The following LMTK2 variants were observed in gnomAD, a reference collection of about 807,000 sequenced individuals.
The protein encoded by LMTK2 is serine/threonine-protein kinase LMTK2.
Under a neutral mutation model 127.5 loss-of-function variants are expected in LMTK2, and 37 were observed. The ratio of observed to expected loss-of-function variants is 0.29; its 90% CI spans 0.22 to 0.38. The LOEUF is 0.38. Among genes scored for constraint, LMTK2 ranks in the 10% least tolerant of loss-of-function variants. The pLI, the probability that LMTK2 is intolerant of heterozygous loss-of-function variation, is 1.00. For missense variants in LMTK2, 1,694 were observed against 1,920.3 expected (o/e 0.88, Z 2.20); for synonymous variants, 819 against 810.1 (o/e 1.01, Z -0.19).
In LMTK2 at chr7:98,154,761, C is replaced by T; in HGVS notation, c.454C>T (p.Leu152Phe). 2.5e-6 allele frequency: 4 copies of T among 1,602,010 alleles called. No homozygotes were observed. Among genetic ancestry groups the T allele is most frequent in the Non-Finnish European group, 3.4e-6 (4 of 1,169,852 alleles). The change falls in exon 5 of 14, where the codon CTC becomes TTC. Residue 152 changes from leucine to phenylalanine, a missense_variant. By Grantham distance (22) the Leu-to-Phe change is conservative. Around this residue, in one of 8 missense-constraint regions of LMTK2, gnomAD observed 203 missense variants for 226.2 expected, o/e 0.90. Transcript: ENST00000297293. ...AAAAACTGTTCTTTGATTTTAGGTT[C>T]TCTTGGGAGAGATTTACACGGGCAC... ...EIGNGWFGKVLLGEIYTGTSV... is the reference protein window; with the variant it reads ...EIGNGWFGKVFLGEIYTGTSV...
chr7:98,186,842 C>A, intron 8 of LMTK2, 35 bp from the exon 9 acceptor site: 1 of 1,588,338 alleles, frequency 6.3e-7, no homozygotes, highest in Non-Finnish European at 8.6e-7. Context: ...AAGTATAATT[C>A]TATTCAAAAT....
rs1184375056 is a variant in LMTK2 at position 98,192,113 on chromosome 7, G to A, written c.1648G>A (p.Asp550Asn). 3 of 1,552,964 alleles carry A rather than the reference G, an allele frequency of 1.9e-6. No individual in the cohort carries two copies. The highest frequency in any genetic ancestry group is 2.3e-5 in the East Asian group (1 of 44,418). ...FDAHNLSVGS[D>N]YYIQLEEKSG... ...TGCCCACAACCTTTCTGTTGGAAGC[G>A]ACTATTATATCCAGTTAGAAGAAAA... Residue 550 changes from aspartate to asparagine, a missense_variant, in exon 11 of 14, where the codon GAC becomes AAC. Asp to Asn is a conservative substitution (Grantham distance 23, BLOSUM62 1). Around this residue, in one of 8 missense-constraint regions of LMTK2, gnomAD observed 216 missense variants for 266.8 expected, o/e 0.81. Coordinates refer to ENST00000297293, the MANE Select transcript of LMTK2 (RefSeq NM_014916.4).
At chr7:98,175,730 T>C (rs1291402644) in intron 7 of LMTK2, among the ~76,000 whole-genome samples, 1 of 152,112 alleles carries the variant, frequency 6.6e-6, no homozygotes, top group African/African-American at 2.4e-5. Flanking sequence ...CACACAGAAA[T>C]GAGGAAGGCT....
chr7:98,202,977 A>T (rs1179310968), intron 11 of LMTK2, among the ~76,000 whole-genome samples: 1 of 152,124 alleles, frequency 6.6e-6, no homozygotes, highest in African/African-American at 2.4e-5. Flanking sequence ...AAGGGAAAAA[A>T]ACTCAGCGAG....
chr7:98,155,046 A>G (rs964834180), intron 5 of LMTK2, among the ~76,000 whole-genome samples, 170 bp downstream of exon 5: 1 of 152,234 alleles, frequency 6.6e-6, no homozygotes, highest in African/African-American at 2.4e-5. Flanking sequence ...TTAGCATTCC[A>G]AGAACCAGGA....
At chr7:98,125,090 T>C (rs920967348) in intron 1 of LMTK2, among the ~76,000 whole-genome samples, 7 of 151,838 alleles carry the variant, frequency 4.6e-5, no homozygotes, top group African/African-American at 1.7e-4. Flanking sequence ...GATCACGAGG[T>C]CAGGAGATCG....
Position 98,191,946 on chromosome 7 carries a change from T to C in LMTK2, c.1481T>C (p.Leu494Pro). 2 of 1,614,114 alleles carry C rather than the reference T, an allele frequency of 1.2e-6. No homozygotes were observed. The highest frequency in any genetic ancestry group is 1.7e-6 in the Non-Finnish European group (2 of 1,180,008). The change falls in exon 11 of 14, where the codon CTG becomes CCG. Residue 494 changes from leucine (L) to proline (P), a missense_variant. Leu to Pro is a moderately conservative substitution (Grantham distance 98). Around this residue, in one of 8 missense-constraint regions of LMTK2, gnomAD observed 216 missense variants for 266.8 expected, o/e 0.81. Transcript: ENST00000297293. ...DHFDERSRGHLDEGLSYTSIF... is the reference protein window; with the variant it reads ...DHFDERSRGHPDEGLSYTSIF... ...TTTGACGAGCGCAGCCGGGGCCACC[T>C]GGACGAAGGCTTGTCCTACACGAGC...
intron 1 of LMTK2, among the ~76,000 whole-genome samples, chr7:98,131,743 A>C (rs1442103887): frequency 6.6e-6 from 1 of 152,244 alleles, no homozygotes; most frequent in Non-Finnish European, 1.5e-5. Context: ...ATACCAAAAC[A>C]AAAACTGTGG....
intron 7 of LMTK2, among the ~76,000 whole-genome samples, chr7:98,175,074 G>C (rs568082920): frequency 6.6e-6 from 1 of 152,272 alleles, no homozygotes; most frequent in Admixed American, 6.5e-5. Flanking sequence ...CTGAGGCTTG[G>C]GGTGCTGAGC....
At position 98,193,702 on chromosome 7, in the gene LMTK2, C is replaced by T. The variant is rs1797575312; in HGVS notation, c.3237C>T (p.Gly1079=). Residue 1079 remains glycine, a synonymous_variant, in exon 11 of 14, where the codon GGC becomes GGT. Coordinates refer to ENST00000297293, the MANE Select transcript of LMTK2 (RefSeq NM_014916.4). The surrounding 1 kb of genome is among the most constrained non-coding windows in gnomAD (Gnocchi z 4.1). ...PNPVIVISDA[G]DGHRGTEVTP... Reference sequence around the variant, plus strand: ...CGGTCATTGTCATCTCAGATGCCGGCGATGGTCACAGAGGCACAGAAGTGA... The same window carrying T: ...CGGTCATTGTCATCTCAGATGCCGGTGATGGTCACAGAGGCACAGAAGTGA... 1.9e-6 allele frequency: 3 copies of T among 1,613,824 alleles called. No individual in the cohort carries two copies. The highest frequency in any genetic ancestry group is 2.5e-6 in the Non-Finnish European group (3 of 1,179,986).
intron 1 of LMTK2, 135 bp downstream of exon 1, chr7:98,107,415 T>C: frequency 2.2e-6 from 1 of 455,884 alleles, no homozygotes; most frequent in Non-Finnish European, 3.4e-6. Context: ...AGGCGAGTGA[T>C]TAGGGAGATT....
At chr7:98,200,079 TTTTC>T (rs749047655) in intron 11 of LMTK2, among the ~76,000 whole-genome samples, 3 of 152,206 alleles carry the variant, frequency 2.0e-5, no homozygotes, top group East Asian at 1.9e-4. Context: ...ACATTTTTCT[TTTTC>T]TTTTTTTTTA....
At chr7:98,182,668 G>C (rs1381801370) in intron 7 of LMTK2, among the ~76,000 whole-genome samples, 15 of 152,222 alleles carry the variant, frequency 9.9e-5, no homozygotes. Context: ...GTGGGAAGCA[G>C]TATGGTGGCT....
At chr7:98,146,263 G>A (rs940716116) in intron 3 of LMTK2, among the ~76,000 whole-genome samples, 4 of 152,072 alleles carry the variant, frequency 2.6e-5, no homozygotes, top group African/African-American at 9.7e-5. Context: ...CAAGATATAT[G>A]AGTCTTCTTT....
chr7:98,198,203 T>C (rs1346345051), intron 11 of LMTK2, among the ~76,000 whole-genome samples: 1 of 151,840 alleles, frequency 6.6e-6, no homozygotes, highest in Non-Finnish European at 1.5e-5. Context: ...TCTCCTTTTT[T>C]TTTTTTTTTG....
chr7:98,193,767 G>A lies in LMTK2; in HGVS notation c.3302G>A (p.Arg1101Gln), dbSNP rs1329697832. ...ACAGCTGGCTCCCAGGGTTCATACC[G>A]AGACTCTGCGTACTTCTCAGACAAT... ...TFTAGSQGSY[R>Q]DSAYFSDNDS... Residue 1101 changes from arginine to glutamine, a missense_variant, in exon 11 of 14, where the codon CGA becomes CAA. Coordinates refer to ENST00000297293, the MANE Select transcript of LMTK2 (RefSeq NM_014916.4). This position sits in a 1 kb window ranked among gnomAD's most constrained non-coding sequence, Gnocchi z 4.1. 16 of 1,613,980 alleles carry A rather than the reference G, an allele frequency of 9.9e-6. No individual in the cohort carries two copies. The highest frequency in any genetic ancestry group is 6.7e-5 in the East Asian group (3 of 44,870).
intron 1 of LMTK2, among the ~76,000 whole-genome samples, chr7:98,124,557 G>A (rs1796416025): frequency 6.6e-6 from 1 of 152,146 alleles, no homozygotes; most frequent in African/African-American, 2.4e-5. Context: ...AGGCCAAAGT[G>A]GGAGGATCAC....
rs551486715 is a variant in LMTK2, at chr7:98,194,329, C to T, written c.3864C>T (p.Asp1288=). ...SEDGMDADEE[D]ENSDDSDEDL... The stretch of plus-strand genomic sequence containing the variant: ...ACGGGATGGATGCAGACGAGGAGGA[C>T]GAAAACAGCGACGACTCGGACGAGG... Residue 1288 remains aspartate, a synonymous_variant, in exon 11 of 14, where the codon GAC becomes GAT. Transcript: ENST00000297293. This position sits in a 1 kb window ranked among gnomAD's most constrained non-coding sequence, Gnocchi z 5.4. The T allele has an allele frequency of 8.7e-6, 14 of 1,614,084 alleles. No homozygotes were observed. The highest frequency in any genetic ancestry group is 1.7e-5 in the Admixed American group (1 of 60,006).
At chr7:98,115,232 C>T (rs749430033) in intron 1 of LMTK2, among the ~76,000 whole-genome samples, 42 of 151,424 alleles carry the variant, frequency 2.8e-4, no homozygotes, top group Admixed American at 6.6e-4. Context: ...CTGGACAACA[C>T]GGAGAAACCC....
Sources: allele counts gnomAD v4.1 joint callset (sites outside exome capture counted in the v4.1 genomes callset), GRCh38; gene constraint gnomAD v4.1.1; regional missense constraint gnomAD v4.1.1; non-coding constraint Gnocchi (gnomAD v3.1); transcripts MANE v1.5; gene names NCBI Gene and HGNC (gene_info 2026-07-23, HGNC 2026-07-21).